The following DTNBP1 variants were observed in gnomAD, a reference collection of about 807,000 sequenced individuals.
The protein encoded by DTNBP1 is dysbindin.
DTNBP1 carries 35 observed loss-of-function variants against 42.8 expected under a neutral mutation model. The observed-to-expected ratio is 0.82, with a 90% CI of 0.63 to 1.09. DTNBP1 has a LOEUF of 1.09. DTNBP1 is among the 50% of genes least tolerant of loss of function. The pLI, the probability that DTNBP1 is intolerant of heterozygous loss-of-function variation, is 0.00. For missense variants in DTNBP1, 457 were observed against 424.2 expected, an observed-to-expected ratio of 1.08 and a Z score of -0.68; for synonymous variants, 171 against 162.2, an observed-to-expected ratio of 1.05 and a Z score of -0.41.
At chr6:15,549,335 A>C (rs2113403172) in intron 7 of DTNBP1, among the ~76,000 whole-genome samples, 1 of 151,924 alleles carries the variant, frequency 6.6e-6, no homozygotes, top group South Asian at 2.1e-4. Context: ...AAATACAAAA[A>C]TTAGCCAGGC....
At chr6:15,525,199 T>A (rs1772295091) in intron 8 of DTNBP1, among the ~76,000 whole-genome samples, 2 of 152,086 alleles carry the variant, frequency 1.3e-5, no homozygotes, top group South Asian at 4.2e-4. Context: ...AAGCACAGAC[T>A]AGGAGAAAAC....
At chr6:15,630,570 TA>T (rs1213301327) in intron 4 of DTNBP1, among the ~76,000 whole-genome samples, 1 of 152,182 alleles carries the variant, frequency 6.6e-6, no homozygotes, top group African/African-American at 2.4e-5. Flanking sequence ...CTATTTATGG[TA>T]TTTTTTTAAT....
At chr6:15,646,766 G>T (rs527789006) in intron 3 of DTNBP1, among the ~76,000 whole-genome samples, 1 of 152,042 alleles carries the variant, frequency 6.6e-6, no homozygotes, top group Non-Finnish European at 1.5e-5. Context: ...TAAACAATGG[G>T]GAAAGGACAC....
At chr6:15,657,136 A>C (rs1261143862) in intron 1 of DTNBP1, among the ~76,000 whole-genome samples, 1 of 152,208 alleles carries the variant, frequency 6.6e-6, no homozygotes, top group African/African-American at 2.4e-5. Flanking sequence ...CTCAGGAAAG[A>C]AAGATGAATT....
intron 1 of DTNBP1, among the ~76,000 whole-genome samples, chr6:15,655,706 T>G (rs2113820760): frequency 6.6e-6 from 1 of 150,936 alleles, no homozygotes; most frequent in East Asian, 1.9e-4. Flanking sequence ...TCTTTTTGCC[T>G]GCTAAACTTT....
intron 7 of DTNBP1, among the ~76,000 whole-genome samples, chr6:15,542,693 T>C (rs1181470612): frequency 1.3e-5 from 2 of 151,956 alleles, no homozygotes; most frequent in African/African-American, 4.8e-5. Flanking sequence ...TTCTAATTAT[T>C]TGCATTTTTT....
Position 15,522,967 on chromosome 6 carries a change from G to T in DTNBP1, c.*8C>A, listed in dbSNP as rs1460382080. 1 of 1,614,188 alleles carries T rather than the reference G, an allele frequency of 6.2e-7. No homozygotes were observed. Among genetic ancestry groups the T allele is most frequent in the Non-Finnish European group, 8.5e-7 (1 of 1,179,986 alleles). On this transcript the variant is annotated 3_prime_UTR_variant, in exon 10 of 10. Transcript: ENST00000344537. ...TCCAGTGTGGCCAGACAACGCCCATGTCCCAATTTAAGAGTCGCTGTCCTC... is the reference window on the plus strand; with the variant it reads ...TCCAGTGTGGCCAGACAACGCCCATTTCCCAATTTAAGAGTCGCTGTCCTC...
chr6:15,524,733 C>G, intron 8 of DTNBP1, 64 bp from the exon 9 acceptor site: 1 of 1,591,516 alleles, frequency 6.3e-7, no homozygotes, highest in East Asian at 2.2e-5. Context: ...AGGTGAACTT[C>G]CATTGGCATT....
intron 7 of DTNBP1, among the ~76,000 whole-genome samples, chr6:15,590,622 GCTGT>G: frequency 6.6e-6 from 1 of 152,254 alleles, no homozygotes; most frequent in East Asian, 1.9e-4. Context: ...CTCTTTTTCT[GCTGT>G]CTAATATTTG....
intron 6 of DTNBP1, among the ~76,000 whole-genome samples, chr6:15,606,670 C>T (rs779336508): frequency 1.1e-4 from 17 of 152,038 alleles, no homozygotes; most frequent in South Asian, 2.1e-4. Flanking sequence ...TGTTCTGGCC[C>T]GGATTTTTGG....
chr6:15,576,645 T>A (rs1476066789), intron 7 of DTNBP1, among the ~76,000 whole-genome samples: 2 of 151,612 alleles, frequency 1.3e-5, no homozygotes, highest in East Asian at 3.9e-4. Flanking sequence ...GGTGTGTGCC[T>A]GTAATTCTAG....
chr6:15,637,654 C>T (rs1760107308), intron 4 of DTNBP1, 90 bp downstream of exon 4: 1 of 1,404,876 alleles, frequency 7.1e-7, no homozygotes, highest in African/African-American at 1.4e-5. Context: ...CATTTTGACA[C>T]AAACAATTAT....
At chr6:15,570,173 G>GAAAAAA (rs796243087) in intron 7 of DTNBP1, among the ~76,000 whole-genome samples, 4 of 137,734 alleles carry the variant, frequency 2.9e-5, no homozygotes, top group African/African-American at 1.1e-4. Flanking sequence ...AAGGTTTACA[G>GAAAAAA]AAAAAAAAAA....
intron 7 of DTNBP1, among the ~76,000 whole-genome samples, chr6:15,540,999 G>A (rs1168159920): frequency 2.6e-5 from 4 of 151,618 alleles, no homozygotes; most frequent in African/African-American, 9.8e-5. Context: ...TTTAAAACAT[G>A]TTCCTCACTA....
At chr6:15,630,181 T>C (rs1759606635) in intron 4 of DTNBP1, among the ~76,000 whole-genome samples, 1 of 152,194 alleles carries the variant, frequency 6.6e-6, no homozygotes, top group Admixed American at 6.5e-5. Flanking sequence ...AATAGGATCT[T>C]AGTATAAAAC....
At chr6:15,623,385 A>G (rs1759153765) in intron 5 of DTNBP1, among the ~76,000 whole-genome samples, 1 of 152,190 alleles carries the variant, frequency 6.6e-6, no homozygotes, top group Non-Finnish European at 1.5e-5. Flanking sequence ...CTTATCTAAG[A>G]GTTAACAGCA....
At chr6:15,621,686 T>A (rs1215292120) in intron 5 of DTNBP1, among the ~76,000 whole-genome samples, 1 of 152,242 alleles carries the variant, frequency 6.6e-6, no homozygotes, top group Admixed American at 6.5e-5. Context: ...TCCCCAGCCC[T>A]TTCAAGTTAA....
At chr6:15,568,352 G>A (rs773360695) in intron 7 of DTNBP1, among the ~76,000 whole-genome samples, 3 of 152,186 alleles carry the variant, frequency 2.0e-5, no homozygotes, top group Non-Finnish European at 2.9e-5. Flanking sequence ...ATACATAGGT[G>A]TCCCTGTTTC....
At chr6:15,641,088 G>A (rs1216182051) in intron 3 of DTNBP1, among the ~76,000 whole-genome samples, 8 of 152,210 alleles carry the variant, frequency 5.3e-5, no homozygotes, top group African/African-American at 1.9e-4. Flanking sequence ...ATTTTCAGAG[G>A]ATTTAAAAGG....
Sources: allele counts gnomAD v4.1 joint callset (sites outside exome capture counted in the v4.1 genomes callset), GRCh38; gene constraint gnomAD v4.1.1; transcripts MANE v1.5; gene names NCBI Gene and HGNC (gene_info 2026-07-23, HGNC 2026-07-21).